Variants in ZC3H7B observed in about 807,000 individuals in gnomAD.
ZC3H7B encodes zinc finger CCCH-type containing 7B.
A neutral mutation model predicts 116.0 loss-of-function variants in ZC3H7B; 35 were observed. That is an observed-to-expected ratio of 0.30 (90% CI 0.23 to 0.40). ZC3H7B has a LOEUF of 0.40. ZC3H7B is among the 10% of genes least tolerant of loss of function. The pLI is 1.00. For missense variants in ZC3H7B, 1,011 were observed against 1,321.5 expected, an observed-to-expected ratio of 0.77 and a Z score of 3.64; for synonymous variants, 502 against 545.6, an observed-to-expected ratio of 0.92 and a Z score of 1.11.
At chr22:41,301,962 T>C (rs1198320464) in intron 1 of ZC3H7B, among the ~76,000 whole-genome samples, 190 bp downstream of exon 1, 1 of 151,896 alleles carries the variant, frequency 6.6e-6, no homozygotes, top group South Asian at 2.1e-4. Flanking sequence ...AAATAAATCG[T>C]CTCTAAAACC....
intron 2 of ZC3H7B, among the ~76,000 whole-genome samples, chr22:41,323,996 G>A (rs2036288467): frequency 6.6e-6 from 1 of 152,146 alleles, no homozygotes; most frequent in Admixed American, 6.6e-5. Flanking sequence ...CGTGAACCCG[G>A]GAGGTGGAGG....
chr22:41,343,507 C>T lies in ZC3H7B; in HGVS notation c.1390C>T (p.Gln464Ter). ...LLGRLRSSED[Q>*]TWKRIRPRPT... ...CGGCCGGCTCCGGAGCTCGGAGGAC[C>T]AGACCTGGAAGCGGATCCGGCCCCG... Residue 464 changes from glutamine to a stop codon, truncating the protein, a stop_gained, in exon 13 of 23, where the codon CAG becomes TAG. Coordinates refer to ENST00000352645, the MANE Select transcript of ZC3H7B (RefSeq NM_017590.6). LOFTEE classifies it high-confidence loss of function. 1 of 1,613,746 alleles carries T rather than the reference C, an allele frequency of 6.2e-7. No individual in the cohort carries two copies. The highest frequency in any genetic ancestry group is 8.5e-7 in the Non-Finnish European group (1 of 1,179,902).
chr22:41,336,213 C>G (rs2036444863), intron 7 of ZC3H7B: 1 of 152,298 alleles, frequency 6.6e-6, no homozygotes, highest in Non-Finnish European at 1.5e-5. Context: ...TCTCCCAGCC[C>G]AACTTCCAGA....
rs374115431 is a variant in ZC3H7B, at chr22:41,341,050, G to A, written c.1139-38G>A. ...CTAGGAAGGCCCCTCACGCCTCAGA[G>A]CCAGAGCCACTGACCCCTGTGTCTT... On this transcript the variant is annotated intron_variant, in intron 10 of 22. Coordinates refer to ENST00000352645, the MANE Select transcript of ZC3H7B (RefSeq NM_017590.6). The A allele has an allele frequency of 5.0e-6, 8 of 1,605,738 alleles. No individual in the cohort carries two copies. In the African/African-American group the frequency reaches 8.0e-5, roughly 16 times the overall value.
chr22:41,317,281 A>G (rs1790531265), intron 1 of ZC3H7B, among the ~76,000 whole-genome samples: 1 of 152,166 alleles, frequency 6.6e-6, no homozygotes, highest in Non-Finnish European at 1.5e-5. Context: ...GCCCGGCCAG[A>G]AAGACAGTCT....
chr22:41,356,543 G>C (rs1307648114), intron 21 of ZC3H7B, 67 bp downstream of exon 21: 2 of 1,609,782 alleles, frequency 1.2e-6, no homozygotes, highest in African/African-American at 2.7e-5. Context: ...ACCTGGGAGG[G>C]GCAGCCTGGA....
At position 41,349,297 on chromosome 22, in the gene ZC3H7B, C is replaced by T. The variant is rs369070693; in HGVS notation, c.1944C>T (p.Tyr648=). The T allele has an allele frequency of 1.1e-5, 18 of 1,613,250 alleles. No individual in the cohort carries two copies. Among genetic ancestry groups the T allele is most frequent in the Admixed American group, 3.3e-5 (2 of 59,984 alleles). Residue 648 remains tyrosine, a synonymous_variant, in exon 16 of 23, where the codon TAC becomes TAT. Transcript: ENST00000352645. This position sits in a 1 kb window ranked among gnomAD's most constrained non-coding sequence, Gnocchi z 4.9. ...TCAAGGTCTGGCTGCTGCAGCAGTACTCAGGTGAGGGGCAGGCGGTGCAGG... is the reference window on the plus strand; with the variant it reads ...TCAAGGTCTGGCTGCTGCAGCAGTATTCAGGTGAGGGGCAGGCGGTGCAGG... ...IELKVWLLQQ[Y]SGMTHEDIVQ...
At position 41,338,427 on chromosome 22, in the gene ZC3H7B, C is replaced by T. The variant is rs1190071740; in HGVS notation, c.625+72C>T. 30 of 1,529,632 alleles carry T rather than the reference C, an allele frequency of 2.0e-5. No homozygotes were observed. The highest frequency in any genetic ancestry group is 2.6e-5 in the Non-Finnish European group (29 of 1,117,646). The allele number at this position is 1,529,632 out of a possible 1,614,324, so 94.8% of individuals were successfully genotyped here. A position where few individuals can be genotyped will look rare whatever the true frequency, so the allele number is the denominator to read the frequency against. On this transcript the variant is annotated intron_variant, in intron 8 of 22. Coordinates refer to ENST00000352645, the MANE Select transcript of ZC3H7B (RefSeq NM_017590.6). The surrounding 1 kb of genome is among the most constrained non-coding windows in gnomAD (Gnocchi z 4.5). ...AGGTCAGGGGAGTCGAGCCCCCTCC[C>T]CATCCCAGCCCTGTAGATGGGAGGG...
rs1279576345 is a variant in ZC3H7B at position 41,325,856 on chromosome 22, G to A, written c.223G>A (p.Ala75Thr). Reference sequence around the variant, plus strand: ...CGACTACGCTGCCTCTGACCAGGTGGCCCTGCCCCGGGAGCTGCTGTGCAA... The same window carrying A: ...CGACTACGCTGCCTCTGACCAGGTGACCCTGCCCCGGGAGCTGCTGTGCAA... ...VADYAASDQV[A>T]LPRELLCKLH... Residue 75 changes from alanine to threonine, a missense_variant, in exon 4 of 23, where the codon GCC becomes ACC. Physicochemically the swap from Ala to Thr is moderately conservative, Grantham distance 58. This residue lies in a region of ZC3H7B where 322 missense variants were observed against 443.9 expected (regional missense o/e 0.73). Coordinates refer to ENST00000352645, the MANE Select transcript of ZC3H7B (RefSeq NM_017590.6). 1.2e-6 allele frequency: 2 copies of A among 1,612,420 alleles called. No individual in the cohort carries two copies. Among genetic ancestry groups the A allele is most frequent in the African/African-American group, 1.3e-5 (1 of 75,010 alleles).
At chr22:41,330,393 C>T (rs535484773) in intron 6 of ZC3H7B, among the ~76,000 whole-genome samples, 17 of 152,334 alleles carry the variant, frequency 1.1e-4, no homozygotes, top group African/African-American at 4.1e-4. Flanking sequence ...TTGACACTGG[C>T]GTCCTTCAGC....
chr22:41,313,558 C>T (rs1193287813), intron 1 of ZC3H7B, among the ~76,000 whole-genome samples: 2 of 152,098 alleles, frequency 1.3e-5, no homozygotes, highest in African/African-American at 4.8e-5. Context: ...TGGGTGCAGC[C>T]AGCAGGGCCT....
chr22:41,351,529 A>C lies in ZC3H7B; in HGVS notation c.1949-32A>C. The C allele has an allele frequency of 6.2e-7, 1 of 1,600,264 alleles. No individual in the cohort carries two copies. Among genetic ancestry groups the C allele is most frequent in the Non-Finnish European group, 8.5e-7 (1 of 1,172,910 alleles). ...CCTCCCTCCTTGCTGAGCACCTTGA[A>C]AGATGCCTGTGTCTGCCCCCACCCT... On this transcript the variant is annotated intron_variant, in intron 16 of 22. Coordinates refer to ENST00000352645, the MANE Select transcript of ZC3H7B (RefSeq NM_017590.6). The surrounding 1 kb of genome is among the most constrained non-coding windows in gnomAD (Gnocchi z 5.1).
Position 41,356,055 on chromosome 22 carries a change from G to A in ZC3H7B, c.2376G>A (p.Glu792=). ...EERDMWTFMK[E]NKILDMQQTY... ...GGGACATGTGGACCTTCATGAAGGAGAACAAGAGTGAGTGGGCAGACGGGG... is the reference window on the plus strand; with the variant it reads ...GGGACATGTGGACCTTCATGAAGGAAAACAAGAGTGAGTGGGCAGACGGGG... The change falls in exon 20 of 23, where the codon GAG becomes GAA. Residue 792 remains glutamate (E), a synonymous_variant. Coordinates refer to ENST00000352645, the MANE Select transcript of ZC3H7B (RefSeq NM_017590.6). 6.4e-7 allele frequency: 1 copy of A among 1,565,490 alleles called. No individual in the cohort carries two copies. Among genetic ancestry groups the A allele is most frequent in the Non-Finnish European group, 8.6e-7 (1 of 1,161,250 alleles).
At chr22:41,307,911 C>T (rs535986383) in intron 1 of ZC3H7B, among the ~76,000 whole-genome samples, 34 of 152,290 alleles carry the variant, frequency 2.2e-4, no homozygotes, top group African/African-American at 8.2e-4. Flanking sequence ...CCAGTTTCCT[C>T]GAAGCTCTTT....
In ZC3H7B at chr22:41,357,367, G is replaced by T. The variant is rs779832096; in HGVS notation, c.2872G>T (p.Asp958Tyr). ...CAACTTCCTGCTGCAAGAGGACGGG[G>T]ACCTTGCCGGTGCCACCCCAGAAGC... ...KYNFLLQEDG[D>Y]LAGATPEAPA... is the part of the protein sequence containing the mutation. The change falls in exon 23 of 23, where the codon GAC (aspartate) becomes TAC (tyrosine). Residue 958 changes from aspartate to tyrosine, a missense_variant. By Grantham distance (160) the Asp-to-Tyr change is radical. Coordinates refer to ENST00000352645, the MANE Select transcript of ZC3H7B (RefSeq NM_017590.6). This position sits in a 1 kb window ranked among gnomAD's most constrained non-coding sequence, Gnocchi z 5.4. 1 of 1,613,368 alleles carries T rather than the reference G, an allele frequency of 6.2e-7. No individual in the cohort carries two copies. Among genetic ancestry groups the T allele is most frequent in the African/African-American group, 1.3e-5 (1 of 75,054 alleles).
At chr22:41,331,626 T>A (rs2036386036) in intron 6 of ZC3H7B, among the ~76,000 whole-genome samples, 1 of 150,786 alleles carries the variant, frequency 6.6e-6, no homozygotes, top group Non-Finnish European at 1.5e-5. Flanking sequence ...ATCGTAGTAC[T>A]TTGGGAGGCC....
intron 7 of ZC3H7B, 76 bp downstream of exon 7, chr22:41,332,303 A>G (rs2036393810): frequency 2.5e-6 from 4 of 1,580,702 alleles, no homozygotes; most frequent in African/African-American, 1.3e-5. Context: ...CCGGGTATAA[A>G]TGACCTCAGG....
At position 41,339,053 on chromosome 22, in the gene ZC3H7B, G is replaced by A. The variant is rs563396328; in HGVS notation, c.678G>A (p.Thr226=). ...GSPALLPSTP[T]MPLFPHVLDL... is the part of the protein sequence containing the mutation. ...CAGCCCTTCTCCCCTCCACGCCCAC[G>A]ATGCCCCTGTTCCCTCACGTTCTGG... is the stretch of plus-strand genomic sequence containing the variant. Residue 226 remains threonine (T), a synonymous_variant, in exon 9 of 23, where the codon ACG becomes ACA. Transcript: ENST00000352645. The A allele has an allele frequency of 3.9e-4, 627 of 1,608,838 alleles. 10 individuals carry two copies. In the South Asian group the frequency reaches 5.7e-3, roughly 15 times the overall value.
In ZC3H7B at chr22:41,327,038, G is replaced by A. The variant is rs2036328014; in HGVS notation, c.286-168G>A. Among the ~76,000 whole-genome samples the A allele has an allele frequency of 6.6e-6, 1 of 152,214 alleles. No individual in the cohort carries two copies. The highest frequency in any genetic ancestry group is 1.5e-5 in the Non-Finnish European group (1 of 68,046). ...CCTTGATCAGAGTCTGGACACCAGA[G>A]TGCTTCCTTCTCTCCTGGAGCCTCG... is the stretch of plus-strand genomic sequence containing the variant. On this transcript the variant is annotated intron_variant, in intron 4 of 22. Coordinates refer to ENST00000352645, the MANE Select transcript of ZC3H7B (RefSeq NM_017590.6). This position sits in a 1 kb window ranked among gnomAD's most constrained non-coding sequence, Gnocchi z 4.5.
Sources: gnomAD v4.1 joint callset for allele counts (sites outside exome capture counted in the v4.1 genomes callset) on GRCh38, gnomAD v4.1.1 for gene constraint, gnomAD v4.1.1 regional missense constraint, Gnocchi (gnomAD v3.1) non-coding constraint, MANE v1.5 for transcripts, NCBI Gene and HGNC (gene_info 2026-07-23, HGNC 2026-07-21) for gene names.